Variants in PCDHA7 observed in about 807,000 individuals in gnomAD.
PCDHA7 encodes protocadherin alpha 7.
A neutral mutation model predicts 57.2 loss-of-function variants in PCDHA7; 37 were observed. That is an observed-to-expected ratio of 0.65 (90% CI 0.50 to 0.85). The LOEUF is 0.85. PCDHA7 is among the 40% of genes least tolerant of loss of function. PCDHA7 has a pLI of 0.00. For missense variants in PCDHA7, 1,188 were observed against 1,241.8 expected (o/e 0.96, Z 0.65); for synonymous variants, 553 against 558.8 (o/e 0.99, Z 0.15).
chr5:140,910,661 A>G (rs1289499574), intron 1 of PCDHA7, among the ~76,000 whole-genome samples: 1 of 152,186 alleles, frequency 6.6e-6, no homozygotes, highest in Non-Finnish European at 1.5e-5. Context: ...CTTCCTCTAC[A>G]TTAAACCAAG....
intron 1 of PCDHA7, among the ~76,000 whole-genome samples, chr5:140,959,874 A>G (rs1360001985): frequency 1.3e-5 from 2 of 152,236 alleles, no homozygotes; most frequent in Non-Finnish European, 2.9e-5. Flanking sequence ...AAATCTGTCA[A>G]GGAATACACG....
intron 1 of PCDHA7, among the ~76,000 whole-genome samples, chr5:140,939,737 G>GTA (rs1554212873): frequency 6.6e-6 from 1 of 152,160 alleles, no homozygotes; most frequent in Non-Finnish European, 1.5e-5. Flanking sequence ...GTGTAGCTGT[G>GTA]TATCATTCAT....
chr5:140,870,748 A>G lies in PCDHA7; in HGVS notation c.2355+34010A>G, dbSNP rs782462608. ...CGTGCCGCCTCTGAGCAGCAACGTG[A>G]CGCTGCAGGTGTTCGTGCTGGACGA... On this transcript the variant is annotated intron_variant, in intron 1 of 3. Transcript: ENST00000525929. The G allele has an allele frequency of 1.9e-6, 3 of 1,613,510 alleles. No individual in the cohort carries two copies. In the South Asian group the frequency reaches 3.3e-5, roughly 18 times the overall value.
intron 1 of PCDHA7, among the ~76,000 whole-genome samples, chr5:140,946,813 G>T (rs2094033515): frequency 6.6e-6 from 1 of 151,408 alleles, no homozygotes; most frequent in South Asian, 2.1e-4. Flanking sequence ...GTATAACAGT[G>T]ATTACCAGAG....
At chr5:140,928,467 A>C (rs782319281) in intron 1 of PCDHA7, 29 of 1,614,142 alleles carry the variant, frequency 1.8e-5, no homozygotes, top group Non-Finnish European at 2.3e-5. Flanking sequence ...ATTTCCAAGT[A>C]GAAGGCCGGG....
At chr5:140,857,050 G>T in intron 1 of PCDHA7, 1 of 1,595,508 alleles carries the variant, frequency 6.3e-7, no homozygotes, top group Non-Finnish European at 8.6e-7. Flanking sequence ...GTCACTGCAC[G>T]GTCCTAGTGG....
intron 1 of PCDHA7, chr5:140,852,963 C>A: frequency 2.4e-6 from 1 of 424,740 alleles, no homozygotes; most frequent in Non-Finnish European, 3.3e-6. Context: ...ACTCCAAGCT[C>A]CCCCTCCCGT....
intron 1 of PCDHA7, chr5:140,843,656 G>C (rs1294872443): frequency 1.9e-6 from 3 of 1,594,636 alleles, no homozygotes; most frequent in Non-Finnish European, 2.6e-6. Context: ...CCTTCCTCCT[G>C]ATCTGGGATC....
chr5:140,987,790 A>AT (rs1409478213), intron 3 of PCDHA7, among the ~76,000 whole-genome samples: 3 of 152,100 alleles, frequency 2.0e-5, no homozygotes, highest in Admixed American at 6.6e-5. Context: ...TATAGAGAAG[A>AT]TTTTTTTAAA....
chr5:140,903,642 A>G (rs1583499752), intron 1 of PCDHA7, among the ~76,000 whole-genome samples: 2 of 152,374 alleles, frequency 1.3e-5, no homozygotes, highest in East Asian at 3.8e-4. Context: ...CATATACCAT[A>G]TACATATATT....
intron 1 of PCDHA7, chr5:140,877,422 G>T (rs781813282): frequency 6.2e-7 from 1 of 1,613,902 alleles, no homozygotes; most frequent in Non-Finnish European, 8.5e-7. Flanking sequence ...TGCTGGTGCT[G>T]GTGAAGGACC....
intron 1 of PCDHA7, chr5:140,848,358 G>A: frequency 9.5e-7 from 1 of 1,051,266 alleles, no homozygotes; most frequent in East Asian, 2.4e-5. Flanking sequence ...CTTTTCCCAT[G>A]GGAAAGAGGC....
At chr5:140,849,862 C>T (rs2150454518) in intron 1 of PCDHA7, 1 of 1,598,598 alleles carries the variant, frequency 6.3e-7, no homozygotes, top group African/African-American at 1.3e-5. Context: ...CCAGCGTTCG[C>T]GCAGTCCGAG....
chr5:140,841,145 T>C, intron 1 of PCDHA7: 1 of 756,386 alleles, frequency 1.3e-6, no homozygotes, highest in Non-Finnish European at 2.1e-6. Flanking sequence ...CCACATGATG[T>C]CGCTGTCTAC....
chr5:140,843,302 G>A, intron 1 of PCDHA7: 1 of 1,595,928 alleles, frequency 6.3e-7, no homozygotes, highest in Non-Finnish European at 8.6e-7. Flanking sequence ...TGCGCTGACC[G>A]CCACGGCCAC....
rs138197407 is a variant in PCDHA7, at chr5:140,857,304, C to T, written c.2355+20566C>T. On this transcript the variant is annotated intron_variant, in intron 1 of 3. Coordinates refer to ENST00000525929, the MANE Select transcript of PCDHA7 (RefSeq NM_018910.3). The stretch of plus-strand genomic sequence containing the variant: ...GCTCTGGACCGCGAGAGGGTGTCGG[C>T]CTATGAGCTGGTGGTGACCGCGCGG... 1.9e-5 allele frequency: 30 copies of T among 1,598,646 alleles called. No homozygotes were observed. In the African/African-American group the frequency reaches 3.6e-4, roughly 19 times the overall value.
intron 1 of PCDHA7, among the ~76,000 whole-genome samples, chr5:140,914,030 G>A (rs2076568173): frequency 1.3e-5 from 2 of 152,180 alleles, no homozygotes; most frequent in South Asian, 4.1e-4. Flanking sequence ...CACGTGCTGA[G>A]AAGAATGTGT....
intron 3 of PCDHA7, among the ~76,000 whole-genome samples, chr5:141,000,391 CTCTCTATATA>C (rs1171335262): frequency 2.9e-3 from 162 of 56,578 alleles, no homozygotes; most frequent in African/African-American, 4.6e-3. Flanking sequence ...CTCTCTCTCT[CTCTCTATATA>C]TATATATATA....
rs139859573 is a variant in PCDHA7, at chr5:140,940,130, A to G, written c.2356-38819A>G. ...TGTATTATTTACCTCTATTTCTGCT[A>G]GTGATAAACTATTATAGTTTTTGTT... On this transcript the variant is annotated intron_variant, in intron 1 of 3. Transcript: ENST00000525929. Among the ~76,000 whole-genome samples, 378 of 152,286 alleles carry G rather than the reference A, an allele frequency of 2.5e-3. 4 individuals carry two copies. Among genetic ancestry groups the G allele is most frequent in the Non-Finnish European group, 4.6e-3 (313 of 68,020 alleles).
Sources: gnomAD v4.1 joint callset for allele counts (sites outside exome capture counted in the v4.1 genomes callset) on GRCh38, gnomAD v4.1.1 for gene constraint, MANE v1.5 for transcripts, NCBI Gene and HGNC (gene_info 2026-07-23, HGNC 2026-07-21) for gene names.